ZNF704: variants seen among roughly 807,000 people sequenced by gnomAD.
ZNF704 encodes the protein zinc finger protein 704.
Under a neutral mutation model 44.7 loss-of-function variants are expected in ZNF704, and 10 were observed. That is an observed-to-expected ratio of 0.22 (90% CI 0.14 to 0.38). The LOEUF (loss-of-function observed/expected upper bound fraction) is 0.38, where lower values mean the gene tolerates loss of function less well. ZNF704 is among the 10% of genes least tolerant of loss of function. The pLI is 1.00. For missense variants in ZNF704, 390 were observed against 545.5 expected (o/e 0.71, Z 2.84); for synonymous variants, 211 against 207.6 (o/e 1.02, Z -0.14).
chr8:80,641,419 T>G lies in ZNF704; in HGVS notation c.1186A>C (p.Met396Leu), dbSNP rs748490553. The change falls in exon 9 of 9, where the codon ATG becomes CTG. Residue 396 changes from methionine (M) to leucine (L), a missense_variant. Coordinates refer to ENST00000327835, the MANE Select transcript of ZNF704 (RefSeq NM_001033723.3). The part of the protein sequence containing the change: ...RKVYGMENRD[M>L]WCTACRWKKA... ...TTCCAGCGGCAGGCGGTACACCACA[T>G]GTCTCGGTTCTCCATCCCGTACACC... 27 of 1,607,698 alleles carry G rather than the reference T, an allele frequency of 1.7e-5. No homozygotes were observed. Among genetic ancestry groups the G allele is most frequent in the Non-Finnish European group, 2.3e-5 (27 of 1,176,416 alleles).
At position 80,807,147 on chromosome 8, in the gene ZNF704, T is replaced by C. The variant is rs73262567; in HGVS notation, c.221+14227A>G. Among the ~76,000 whole-genome samples, 935 of 152,282 alleles carry C rather than the reference T, an allele frequency of 6.1e-3. 8 individuals are homozygous for C. Among genetic ancestry groups the C allele is most frequent in the African/African-American group, 0.02 (851 of 41,548 alleles). On this transcript the variant is annotated intron_variant, in intron 2 of 8. Transcript: ENST00000327835. ...TAATGTCTTCCTTTATTTACAAGGATGGCAATAGAAGGAGTGACTCAATAT... is the reference window on the plus strand; with the variant it reads ...TAATGTCTTCCTTTATTTACAAGGACGGCAATAGAAGGAGTGACTCAATAT...
intron 2 of ZNF704, among the ~76,000 whole-genome samples, chr8:80,810,452 G>A (rs1295692617): frequency 6.6e-6 from 1 of 151,972 alleles, no homozygotes; most frequent in African/African-American, 2.4e-5. Context: ...TAGTTTATAA[G>A]CAGTATGTAT....
intron 1 of ZNF704, among the ~76,000 whole-genome samples, chr8:80,870,875 C>T (rs1809240410): frequency 1.3e-5 from 2 of 152,170 alleles, no homozygotes. Flanking sequence ...ACCTGGTTGT[C>T]CAATAGTCAT....
At chr8:80,680,494 T>C (rs1022031615) in intron 4 of ZNF704, among the ~76,000 whole-genome samples, 18 of 152,160 alleles carry the variant, frequency 1.2e-4, no homozygotes, top group Admixed American at 9.2e-4. Flanking sequence ...CAAGTTATTC[T>C]GTGCAGGTGA....
At position 80,844,460 on chromosome 8, in the gene ZNF704, A is replaced by G. The variant is rs111579487; in HGVS notation, c.-21-22845T>C. On this transcript the variant is annotated intron_variant, in intron 1 of 8. Transcript: ENST00000327835. ...CATGAGAGTTTCACCCTCATGACCT[A>G]ATCACCTCCCAAAGGTCCTACCTCC... Among the ~76,000 whole-genome samples, 584 of 152,174 alleles carry G rather than the reference A, an allele frequency of 3.8e-3. 3 individuals are homozygous for G. The highest frequency in any genetic ancestry group is 0.013 in the African/African-American group (549 of 41,520).
At chr8:80,871,677 T>C (rs1809254708) in intron 1 of ZNF704, among the ~76,000 whole-genome samples, 1 of 152,256 alleles carries the variant, frequency 6.6e-6, no homozygotes. Flanking sequence ...AGGTGTTCAA[T>C]AAATATTTGT....
intron 2 of ZNF704, among the ~76,000 whole-genome samples, chr8:80,795,688 A>C (rs531555975): frequency 6.7e-6 from 1 of 149,394 alleles, no homozygotes; most frequent in East Asian, 2.0e-4. Context: ...ATTGCACTCC[A>C]GCCTGGGCAA....
chr8:80,736,322 C>G (rs1297733946), intron 2 of ZNF704, among the ~76,000 whole-genome samples: 2 of 152,244 alleles, frequency 1.3e-5, no homozygotes, highest in Non-Finnish European at 2.9e-5. Context: ...GCTCTATCAC[C>G]AGGCTGGAGT....
intron 2 of ZNF704, among the ~76,000 whole-genome samples, chr8:80,780,190 T>C (rs919838300): frequency 6.6e-6 from 1 of 151,844 alleles, no homozygotes; most frequent in Non-Finnish European, 1.5e-5. Context: ...GAGGGCAAGG[T>C]ACATGGAGGG....
chr8:80,816,307 G>T lies in ZNF704; in HGVS notation c.221+5067C>A, dbSNP rs560398151. On this transcript the variant is annotated intron_variant, in intron 2 of 8. Coordinates refer to ENST00000327835, the MANE Select transcript of ZNF704 (RefSeq NM_001033723.3). ...AAATCCTTCTCAGTGACATAAAAAT[G>T]GAATTTAAACATCCTTCACACAATC... 2.6e-5 allele frequency among the ~76,000 whole-genome samples: 4 copies of T among 152,232 alleles called. No homozygotes were observed. The South Asian group carries it at 8.3e-4, about 32-fold the overall frequency.
intron 1 of ZNF704, among the ~76,000 whole-genome samples, chr8:80,835,825 ATTTG>A (rs1363122935): frequency 6.6e-6 from 1 of 152,170 alleles, no homozygotes; most frequent in African/African-American, 2.4e-5. Flanking sequence ...TAGATATTTT[ATTTG>A]TTTTATATAA....
At chr8:80,794,380 G>A (rs1233699503) in intron 2 of ZNF704, among the ~76,000 whole-genome samples, 9 of 152,076 alleles carry the variant, frequency 5.9e-5, no homozygotes, top group Non-Finnish European at 1.3e-4. Context: ...TGTAAAAAGA[G>A]CAATTATTAA....
In ZNF704 at chr8:80,636,986, G is replaced by A. The variant is rs918224084; in HGVS notation, c.*4380C>T. The A allele has an allele frequency of 5.3e-5, 8 of 152,118 alleles. No homozygotes were observed. Among genetic ancestry groups the A allele is most frequent in the African/African-American group, 1.9e-4 (8 of 41,390 alleles). The allele number at this position is 152,118 out of a possible 1,614,324, so 9.4% of individuals were successfully genotyped here. On this transcript the variant is annotated 3_prime_UTR_variant, in exon 9 of 9. Transcript: ENST00000327835. Reference sequence around the variant, plus strand: ...GGTAATGATAAAAAGGACCAGCAAGGCTTTGTATTCACAATTACATTCAGA... The same window carrying A: ...GGTAATGATAAAAAGGACCAGCAAGACTTTGTATTCACAATTACATTCAGA...
intron 2 of ZNF704, among the ~76,000 whole-genome samples, chr8:80,790,422 G>A (rs1416391282): frequency 1.3e-5 from 2 of 152,142 alleles, no homozygotes; most frequent in African/African-American, 4.8e-5. Context: ...GAGGGCCAAG[G>A]ACTGGTGATG....
intron 2 of ZNF704, among the ~76,000 whole-genome samples, chr8:80,782,014 T>A (rs1396521989): frequency 5.3e-5 from 8 of 152,232 alleles, no homozygotes; most frequent in Admixed American, 5.2e-4. Context: ...CTATATCTCA[T>A]AATGTTGAAC....
At chr8:80,651,318 A>G (rs1160276406) in intron 7 of ZNF704, among the ~76,000 whole-genome samples, 1 of 152,242 alleles carries the variant, frequency 6.6e-6, no homozygotes, top group Non-Finnish European at 1.5e-5. Flanking sequence ...ACATAACAAT[A>G]TTAACCTCAA....
At chr8:80,774,829 A>G (rs1231032289) in intron 2 of ZNF704, among the ~76,000 whole-genome samples, 2 of 152,200 alleles carry the variant, frequency 1.3e-5, no homozygotes, top group African/African-American at 4.8e-5. Context: ...AAGAAAGAGC[A>G]GGCTCCATTG....
chr8:80,855,431 T>C (rs1808943114), intron 1 of ZNF704, among the ~76,000 whole-genome samples: 1 of 151,982 alleles, frequency 6.6e-6, no homozygotes, highest in African/African-American at 2.4e-5. Flanking sequence ...ATATACACAG[T>C]GGAATACCAT....
intron 2 of ZNF704, among the ~76,000 whole-genome samples, chr8:80,718,425 GGTAGA>G (rs1243189904): frequency 2.0e-5 from 3 of 152,146 alleles, no homozygotes; most frequent in African/African-American, 7.2e-5. Context: ...TCCCTCTAGA[GGTAGA>G]GTATTCTTCC....
Sources: gnomAD v4.1 joint callset for allele counts (sites outside exome capture counted in the v4.1 genomes callset) on GRCh38, gnomAD v4.1.1 for gene constraint, MANE v1.5 for transcripts, NCBI Gene and HGNC (gene_info 2026-07-23, HGNC 2026-07-21) for gene names.